STRA6: variants seen among roughly 807,000 people sequenced by gnomAD.
STRA6 encodes receptor for retinol uptake STRA6.
Under a neutral mutation model 83.6 loss-of-function variants are expected in STRA6, and 48 were observed. The ratio of observed to expected loss-of-function variants is 0.57; its 90% CI spans 0.46 to 0.73. The LOEUF is 0.73. STRA6 is among the 30% of genes least tolerant of loss of function. STRA6 has a pLI of 0.00. For synonymous variants in STRA6, 353 were observed against 362.3 expected, an observed-to-expected ratio of 0.97 and a Z score of 0.29; for missense variants, 760 against 838.8, an observed-to-expected ratio of 0.91 and a Z score of 1.16.
intron 13 of STRA6, 131 bp from the exon 14 acceptor site, chr15:74,184,120 CTG>C: frequency 7.3e-7 from 1 of 1,371,192 alleles, no homozygotes; most frequent in South Asian, 1.2e-5. Flanking sequence ...AAGCCCAGAA[CTG>C]TGGGAGCCAG....
At chr15:74,195,724 G>A (rs2073781421) in intron 5 of STRA6, 49 bp from the exon 6 acceptor site, 3 of 1,020,552 alleles carry the variant, frequency 2.9e-6, no homozygotes, top group East Asian at 2.6e-5. Context: ...AAAATGAGAA[G>A]GTGGATATAT....
chr15:74,202,195 T>C lies in STRA6; in HGVS notation c.73A>G (p.Ile25Val). 1 of 1,519,092 alleles carries C rather than the reference T, an allele frequency of 6.6e-7. No individual in the cohort carries two copies. Among genetic ancestry groups the C allele is most frequent in the African/African-American group, 1.4e-5 (1 of 71,752 alleles). The allele number at this position is 1,519,092 out of a possible 1,614,324, so 94.1% of individuals were successfully genotyped here. Reference protein sequence around the residue: ...TEDYSYGSWYIDEPQGGEELQ... With the variant: ...TEDYSYGSWYVDEPQGGEELQ... ...TCCTCGCCCCCCTGGGGCTCATCGA[T>C]GTACCAGCTGCCATAGGAGTAGTCC... Residue 25 changes from isoleucine (I) to valine (V), a missense_variant, in exon 2 of 19, where the codon ATC (isoleucine) becomes GTC (valine). Transcript: ENST00000395105.
Position 74,180,868 on chromosome 15 carries a change from C to A in STRA6, c.1754G>T (p.Cys585Phe). Residue 585 changes from cysteine (C) to phenylalanine (F), a missense_variant, in exon 18 of 19, where the codon TGC (cysteine) becomes TTC (phenylalanine). Transcript: ENST00000395105. ...GCTCTGCGCTTGCAGGAGCAGGGAG[C>A]AGAAGGCTGTCATGGCTGGATGCGA... ...SQSHPAMTAF[C>F]SLLLQAQSLL... 1 of 1,614,096 alleles carries A rather than the reference C, an allele frequency of 6.2e-7. No homozygotes were observed. The highest frequency in any genetic ancestry group is 1.3e-5 in the African/African-American group (1 of 75,028).
At chr15:74,204,762 C>G (rs2074220575), upstream of STRA6, among the ~76,000 whole-genome samples, 1 of 152,140 alleles carries the variant, frequency 6.6e-6, no homozygotes, top group Non-Finnish European at 1.5e-5. Flanking sequence ...GGCAAAATCC[C>G]ATCTCTACTA....
rs961933983 is a variant in STRA6, at chr15:74,179,888, T to A, written c.*192A>T. On this transcript the variant is annotated 3_prime_UTR_variant, in exon 19 of 19. Transcript: ENST00000395105. ...TCCAGAACCCCTGCTGGCTCTCCCA[T>A]AGCCAAGTGGGTGGAGCAGAGCCCT... The A allele has an allele frequency of 9.8e-6, 7 of 711,384 alleles. No homozygotes were observed. The highest frequency in any genetic ancestry group is 1.6e-5 in the Non-Finnish European group (7 of 440,018). The allele number at this position is 711,384 out of a possible 1,614,324, so 44.1% of individuals were successfully genotyped here.
chr15:74,208,839 TCTTTC>T, exon 1 of STRA6: 6 of 988,778 alleles, frequency 6.1e-6, no homozygotes, highest in Non-Finnish European at 7.2e-6. Flanking sequence ...CTTCCTTGTC[TCTTTC>T]CTTTCCTTTA....
chr15:74,197,328 T>C lies in STRA6; in HGVS notation c.266+10A>G, dbSNP rs1434203382. On this transcript the variant is annotated intron_variant, in intron 4 of 18. Transcript: ENST00000395105. The stretch of plus-strand genomic sequence containing the variant: ...CCCCTGAGTGGGGGTGCCCAGGCCA[T>C]GGTACAAACCTGGGCAGGCCGGGCC... The C allele has an allele frequency of 5.8e-6, 9 of 1,546,442 alleles. No individual in the cohort carries two copies. Among genetic ancestry groups the C allele is most frequent in the Admixed American group, 2.0e-5 (1 of 50,932 alleles).
chr15:74,190,752 A>G (rs1029252056), intron 11 of STRA6, 88 bp downstream of exon 11: 20 of 1,597,378 alleles, frequency 1.3e-5, no homozygotes, highest in Middle Eastern at 1.9e-4. Context: ...GAGCACCTGG[A>G]GAGCTGGGTT....
intron 12 of STRA6, among the ~76,000 whole-genome samples, chr15:74,186,821 C>T (rs1302170868): frequency 6.6e-6 from 1 of 152,146 alleles, no homozygotes; most frequent in African/African-American, 2.4e-5. Context: ...GAGGCTGGGC[C>T]CCACTCTGAG....
At chr15:74,197,047 C>T (rs574026645) in intron 4 of STRA6, among the ~76,000 whole-genome samples, 1 of 152,310 alleles carries the variant, frequency 6.6e-6, no homozygotes. Flanking sequence ...ACATGGAGGG[C>T]TGCCTGAGAA....
In STRA6 at chr15:74,182,414, C is replaced by T; in HGVS notation, c.1347G>A (p.Leu449=). The change falls in exon 15 of 19, where the codon CTG becomes CTA. Residue 449 remains leucine (L), a synonymous_variant. Coordinates refer to ENST00000395105, the MANE Select transcript of STRA6 (RefSeq NM_022369.4). ...QIIFFLGTTA[L]AFLVLMPVLH... ...GCACAGGCATGAGCACCAGGAAGGC[C>T]AGGGCCGTGGTTCCCAGGAAGAAGA... 1.9e-6 allele frequency: 3 copies of T among 1,612,866 alleles called. No individual in the cohort carries two copies. The highest frequency in any genetic ancestry group is 2.5e-6 in the Non-Finnish European group (3 of 1,179,470).
At chr15:74,200,449 G>C (rs955634444) in intron 2 of STRA6, among the ~76,000 whole-genome samples, 2 of 152,188 alleles carry the variant, frequency 1.3e-5, no homozygotes, top group African/African-American at 4.8e-5. Context: ...GCCATTGAAT[G>C]TTCTGGATTT....
chr15:74,207,746 T>C (rs2074293616), upstream of STRA6: 2 of 1,535,212 alleles, frequency 1.3e-6, no homozygotes, highest in African/African-American at 1.4e-5. Context: ...GCCGAGAGAG[T>C]CAACCTCATG....
chr15:74,209,008 C>T (rs2074325569), exon 1 of STRA6: 1 of 1,059,976 alleles, frequency 9.4e-7, no homozygotes, highest in Non-Finnish European at 1.1e-6. Flanking sequence ...TCCCCAGCAC[C>T]TGCTTTAAAA....
intron 14 of STRA6, 25 bp from the exon 15 acceptor site, chr15:74,182,485 G>C (rs1347949942): frequency 6.3e-7 from 1 of 1,577,766 alleles, no homozygotes; most frequent in Non-Finnish European, 8.6e-7. Flanking sequence ...AGTGGCAGGG[G>C]GACAGAAAAC....
Position 74,197,393 on chromosome 15 carries a change from C to G in STRA6, c.211G>C (p.Val71Leu), listed in dbSNP as rs762736313. 2.6e-6 allele frequency: 4 copies of G among 1,550,452 alleles called. No homozygotes were observed. In the African/African-American group the frequency reaches 5.5e-5, roughly 21 times the overall value. ...ILVLLLLAML[V>L]RRRQLWPDCV... ...TCAGGCCAGAGCTGGCGGCGCCTCA[C>G]CAGCATGGCCAGGAGCAGCAGCACA... Residue 71 changes from valine (V) to leucine (L), a missense_variant, in exon 4 of 19, where the codon GTG becomes CTG. By Grantham distance (32) the Val-to-Leu change is conservative (BLOSUM62 1). Coordinates refer to ENST00000395105, the MANE Select transcript of STRA6 (RefSeq NM_022369.4).
intron 13 of STRA6, 150 bp downstream of exon 13, chr15:74,184,830 C>A: frequency 1.3e-6 from 1 of 761,290 alleles, no homozygotes; most frequent in Non-Finnish European, 2.2e-6. Flanking sequence ...CCTTCTCCCA[C>A]TGCAGCGCAG....
intron 1 of STRA6, chr15:74,207,866 C>G (rs1280251866): frequency 2.0e-6 from 3 of 1,521,504 alleles, no homozygotes; most frequent in Non-Finnish European, 2.6e-6. Flanking sequence ...CCAAGTCTGA[C>G]TCCACACAGT....
chr15:74,202,783 T>G lies in STRA6; in HGVS notation c.-86A>C. 2 of 1,145,846 alleles carry G rather than the reference T, an allele frequency of 1.7e-6. No individual in the cohort carries two copies. The highest frequency in any genetic ancestry group is 8.1e-5 in the South Asian group (2 of 24,816). 71.0% of individuals were successfully genotyped at this position (1,145,846 alleles called of 1,614,324 possible). A position where few individuals can be genotyped will look rare whatever the true frequency, so the allele number is the denominator to read the frequency against. ...AGGCAGCCCACGGCCAGCTCCGCAC[T>G]GCCTGCCTGGGCCCTCCCAGCTGGG... On this transcript the variant is annotated 5_prime_UTR_variant, in exon 1 of 19. Coordinates refer to ENST00000395105, the MANE Select transcript of STRA6 (RefSeq NM_022369.4).
Sources: gnomAD v4.1 joint callset for allele counts (sites outside exome capture counted in the v4.1 genomes callset) on GRCh38, gnomAD v4.1.1 for gene constraint, MANE v1.5 for transcripts, NCBI Gene and HGNC (gene_info 2026-07-23, HGNC 2026-07-21) for gene names.